Variants in HLCS observed in about 807,000 individuals in gnomAD.
The protein encoded by HLCS is holocarboxylase synthetase, also known as biotin--protein ligase.
A neutral mutation model predicts 75.0 loss-of-function variants in HLCS; 53 were observed. That is an observed-to-expected ratio of 0.71 (90% confidence interval 0.57 to 0.89). The LOEUF (loss-of-function observed/expected upper bound fraction) is 0.89, where lower values mean the gene tolerates loss of function less well. Ranked by LOEUF, HLCS falls within the 40% of genes least tolerant of loss-of-function variation. HLCS has a pLI of 0.00. For missense variants in HLCS, 966 were observed against 1,074.0 expected, an observed-to-expected ratio of 0.90 and a Z score of 1.41; for synonymous variants, 431 against 428.6, an observed-to-expected ratio of 1.01 and a Z score of -0.07.
chr21:36,889,954 G>A (rs1395793013), intron 6 of HLCS, among the ~76,000 whole-genome samples: 1 of 152,200 alleles, frequency 6.6e-6, no homozygotes, highest in African/African-American at 2.4e-5. Flanking sequence ...ATCCCCAGGT[G>A]CCAAGGGAGA....
intron 6 of HLCS, among the ~76,000 whole-genome samples, chr21:36,817,207 G>C (rs574366458): frequency 1.3e-5 from 2 of 152,204 alleles, no homozygotes; most frequent in Admixed American, 1.3e-4. Context: ...TATAAAGGTA[G>C]ATTATAAACA....
intron 1 of HLCS, among the ~76,000 whole-genome samples, chr21:36,975,424 T>C (rs2068910240): frequency 6.6e-6 from 1 of 152,072 alleles, no homozygotes; most frequent in African/African-American, 2.4e-5. Flanking sequence ...CGTCCCCTGT[T>C]TCCCACGGTT....
chr21:36,789,995 C>A (rs1056247861), intron 6 of HLCS, among the ~76,000 whole-genome samples: 3 of 152,188 alleles, frequency 2.0e-5, no homozygotes, highest in Non-Finnish European at 4.4e-5. Context: ...ACTCCTGATG[C>A]CTACTGCCAC....
rs113078476 is a variant in HLCS, at chr21:36,836,900, G to A, written c.1892+59960C>T. Among the ~76,000 whole-genome samples, 146 of 152,128 alleles carry A rather than the reference G, an allele frequency of 9.6e-4. 2 individuals are homozygous for A. The highest frequency in any genetic ancestry group is 2.9e-3 in the African/African-American group (122 of 41,524). On this transcript the variant is annotated intron_variant, in intron 6 of 10. Transcript: ENST00000674895. Reference sequence around the variant, plus strand: ...GTCAATAAACATATAAAAACTGCACGGCGGCTGGGCACGGTGGTTCACGCC... The same window carrying A: ...GTCAATAAACATATAAAAACTGCACAGCGGCTGGGCACGGTGGTTCACGCC...
chr21:36,989,314 CTTTTTTT>C (rs35073331), intron 1 of HLCS, among the ~76,000 whole-genome samples: 5 of 80,008 alleles, frequency 6.2e-5, no homozygotes, highest in South Asian at 1.2e-3. Flanking sequence ...TCTGGCCCAT[CTTTTTTT>C]TTTTTTTTTT....
At chr21:36,863,854 GT>G (rs59273667) in intron 6 of HLCS, among the ~76,000 whole-genome samples, 152,298 of 152,298 alleles carry the variant, frequency 1, 76,149 homozygotes, top group Non-Finnish European at 1. Context: ...ACTCAGCTAT[GT>G]TGCCACAAAG....
At chr21:36,900,449 C>T (rs984346640) in intron 5 of HLCS, among the ~76,000 whole-genome samples, 3 of 152,092 alleles carry the variant, frequency 2.0e-5, no homozygotes, top group Non-Finnish European at 2.9e-5. Flanking sequence ...GGTGGAGTGC[C>T]GGGGCCAGAA....
At chr21:36,947,564 C>T (rs1179272226) in intron 2 of HLCS, 7 of 985,278 alleles carry the variant, frequency 7.1e-6, no homozygotes, top group Non-Finnish European at 7.2e-6. Flanking sequence ...GGCTCACTCC[C>T]AAAGATCAAA....
chr21:36,784,815 G>A (rs921510210), intron 6 of HLCS, among the ~76,000 whole-genome samples: 1 of 152,052 alleles, frequency 6.6e-6, no homozygotes, highest in African/African-American at 2.4e-5. Context: ...AAGTTCATCA[G>A]TTCTGTGCTA....
rs180836310 is a variant in HLCS at position 36,988,393 on chromosome 21, C to T, written c.-393+1765G>A. Among the ~76,000 whole-genome samples the T allele has an allele frequency of 4.2e-3, 646 of 152,286 alleles. 8 individuals are homozygous for T. The highest frequency in any genetic ancestry group is 0.015 in the African/African-American group (623 of 41,556). ...ACTCCACATCAGTTCAGAGACCTTC[C>T]TCACTGTTTTTTATACGTGCATTGT... On this transcript the variant is annotated intron_variant, in intron 1 of 11. Transcript: ENST00000336648.
At chr21:36,871,213 G>A (rs1222183994) in intron 6 of HLCS, among the ~76,000 whole-genome samples, 3 of 152,024 alleles carry the variant, frequency 2.0e-5, no homozygotes, top group Non-Finnish European at 4.4e-5. Flanking sequence ...TTCACTAGGG[G>A]CATAAATAAA....
intron 6 of HLCS, among the ~76,000 whole-genome samples, chr21:36,820,561 GGC>G (rs1267924930): frequency 6.6e-6 from 1 of 152,194 alleles, no homozygotes; most frequent in African/African-American, 2.4e-5. Flanking sequence ...TGCTCAGGGC[GGC>G]GCTGACATGC....
At chr21:36,913,482 C>T (rs1038098473) in intron 5 of HLCS, among the ~76,000 whole-genome samples, 2 of 151,988 alleles carry the variant, frequency 1.3e-5, no homozygotes, top group African/African-American at 2.4e-5. Flanking sequence ...TTCAATTTGG[C>T]GGGGTGTGGT....
At chr21:36,923,055 G>A (rs1374956865) in intron 5 of HLCS, among the ~76,000 whole-genome samples, 1 of 152,172 alleles carries the variant, frequency 6.6e-6, no homozygotes, top group Non-Finnish European at 1.5e-5. Context: ...CCCCACCGCC[G>A]CACCCACCGC....
rs142298485 is a variant in HLCS at position 36,755,067 on chromosome 21, C to T, written c.2451-650G>A. Reference sequence around the variant, plus strand: ...TGCTTTCTTTCTTCACACATAAACACACACAAGCACACATTTTTTTTTCCT... The same window carrying T: ...TGCTTTCTTTCTTCACACATAAACATACACAAGCACACATTTTTTTTTCCT... On this transcript the variant is annotated intron_variant, in intron 10 of 10. Coordinates refer to ENST00000674895, the MANE Select transcript of HLCS (RefSeq NM_001352514.2). Among the ~76,000 whole-genome samples the T allele has an allele frequency of 3.7e-3, 558 of 152,244 alleles. 3 individuals carry two copies. The highest frequency in any genetic ancestry group is 5.8e-3 in the Non-Finnish European group (396 of 68,022).
At chr21:36,789,968 G>A (rs946902681) in intron 6 of HLCS, among the ~76,000 whole-genome samples, 4 of 152,154 alleles carry the variant, frequency 2.6e-5, no homozygotes, top group African/African-American at 4.8e-5. Context: ...ATGGGTCAAG[G>A]ATATTAACTT....
upstream of HLCS, among the ~76,000 whole-genome samples, chr21:36,970,649 G>A (rs1024878865): frequency 2.0e-5 from 3 of 151,762 alleles, no homozygotes; most frequent in African/African-American, 2.4e-5. Context: ...GATTACAAGC[G>A]TGAGCCACCG....
chr21:36,756,264 C>T (rs866969316), intron 10 of HLCS, among the ~76,000 whole-genome samples: 48 of 151,108 alleles, frequency 3.2e-4, no homozygotes, highest in East Asian at 5.8e-4. Context: ...CGGTGAAACC[C>T]CACCTCCACT....
intron 1 of HLCS, among the ~76,000 whole-genome samples, chr21:36,982,788 T>C (rs748410670): frequency 6.6e-6 from 1 of 152,126 alleles, no homozygotes; most frequent in African/African-American, 2.4e-5. Flanking sequence ...CCTAGCACTT[T>C]GGGAGACCGA....
Sources: allele counts gnomAD v4.1 joint callset (sites outside exome capture counted in the v4.1 genomes callset), GRCh38; gene constraint gnomAD v4.1.1; transcripts MANE v1.5; gene names NCBI Gene and HGNC (gene_info 2026-07-23, HGNC 2026-07-21).